Variants in HTR1E observed in about 807,000 individuals in gnomAD.
The protein encoded by HTR1E is 5-hydroxytryptamine receptor 1E.
In HTR1E, 3 loss-of-function variants were observed where a neutral mutation model predicts 3.4. The observed-to-expected ratio is 0.89, with a 90% confidence interval of 0.41 to 2.31. The LOEUF (loss-of-function observed/expected upper bound fraction) is 2.31. Among genes scored for constraint, HTR1E ranks in the 30% most tolerant of loss-of-function variants. The pLI is 0.05. For missense variants in HTR1E, 392 were observed against 467.0 expected, an observed-to-expected ratio of 0.84 and a Z score of 1.48; for synonymous variants, 170 against 182.8, an observed-to-expected ratio of 0.93 and a Z score of 0.56.
chr6:86,986,758 T>C (rs1767794507), intron 1 of HTR1E, among the ~76,000 whole-genome samples: 1 of 152,220 alleles, frequency 6.6e-6, no homozygotes, highest in African/African-American at 2.4e-5. Context: ...TTCTGCTTAG[T>C]GCTACTAATC....
At chr6:86,987,552 T>A (rs944629649) in intron 1 of HTR1E, among the ~76,000 whole-genome samples, 14 of 152,302 alleles carry the variant, frequency 9.2e-5, no homozygotes, top group African/African-American at 3.4e-4. Context: ...TAATCACATG[T>A]GCCTATTGAG....
rs61404026 is a variant in HTR1E, at chr6:86,998,034, C to CA, written c.-185-17108dup. Among the ~76,000 whole-genome samples the CA allele has an allele frequency of 4.6e-5, 7 of 151,368 alleles. No homozygotes were observed. In the East Asian group the frequency reaches 7.8e-4, roughly 17 times the overall value. On this transcript the variant is annotated intron_variant, in intron 1 of 1. Coordinates refer to ENST00000305344, the MANE Select transcript of HTR1E (RefSeq NM_000865.3). Reference sequence around the variant, plus strand: ...ACATAATGTTATAAGAACTATTCATCAAAAAAAATCTTAAATGTGTATGTA... The same window carrying CA: ...ACATAATGTTATAAGAACTATTCATCAAAAAAAAATCTTAAATGTGTATGTA...
intron 1 of HTR1E, among the ~76,000 whole-genome samples, chr6:86,950,668 A>G (rs371097076): frequency 1.3e-5 from 2 of 152,232 alleles, no homozygotes; most frequent in Admixed American, 1.3e-4. Flanking sequence ...CTCAAAAATA[A>G]TAAGACCTGC....
chr6:86,985,445 C>A (rs906664587), intron 1 of HTR1E, among the ~76,000 whole-genome samples: 12 of 151,890 alleles, frequency 7.9e-5, no homozygotes, highest in Non-Finnish European at 1.6e-4. Context: ...AATATCCTAG[C>A]CCTTTAAGGT....
intron 1 of HTR1E, among the ~76,000 whole-genome samples, chr6:86,999,847 C>T (rs1292224246): frequency 6.6e-6 from 1 of 152,168 alleles, no homozygotes; most frequent in Non-Finnish European, 1.5e-5. Context: ...GATTACATGA[C>T]CCTGCATGAT....
intron 1 of HTR1E, among the ~76,000 whole-genome samples, chr6:86,979,490 G>T (rs1440702278): frequency 6.6e-6 from 1 of 152,178 alleles, no homozygotes; most frequent in Non-Finnish European, 1.5e-5. Context: ...TTAAGTTTTG[G>T]CCTGGTTGAG....
intron 1 of HTR1E, among the ~76,000 whole-genome samples, chr6:87,012,865 A>G (rs1004517813): frequency 1.1e-4 from 16 of 152,210 alleles, no homozygotes; most frequent in African/African-American, 3.4e-4. Flanking sequence ...TTAGGATTAC[A>G]CTGCAGCTGA....
At chr6:86,939,188 A>G (rs549703812) in intron 1 of HTR1E, among the ~76,000 whole-genome samples, 3 of 152,318 alleles carry the variant, frequency 2.0e-5, no homozygotes, top group African/African-American at 7.2e-5. Flanking sequence ...AATGCACAAA[A>G]TATGCCTGCC....
chr6:87,016,593 T>C lies in HTR1E; in HGVS notation c.*161T>C, dbSNP rs1367262748. On this transcript the variant is annotated 3_prime_UTR_variant, in exon 2 of 2. Coordinates refer to ENST00000305344, the MANE Select transcript of HTR1E (RefSeq NM_000865.3). ...GTTTGTTTGTTTTGTTCTGTTTTGT[T>C]TGAGGATTGTTATTTGGCGTGCTGT... The C allele has an allele frequency of 1.7e-6, 1 of 595,838 alleles. No individual in the cohort carries two copies. Among genetic ancestry groups the C allele is most frequent in the Non-Finnish European group, 2.8e-6 (1 of 356,870 alleles). The allele number at this position is 595,838 out of a possible 1,614,324, so 36.9% of individuals were successfully genotyped here. A position where few individuals can be genotyped will look rare whatever the true frequency, so the allele number is the denominator to read the frequency against.
In HTR1E at chr6:87,007,747, C is replaced by A. The variant is rs576837879; in HGVS notation, c.-185-7403C>A. 2.6e-5 allele frequency among the ~76,000 whole-genome samples: 4 copies of A among 152,222 alleles called. No homozygotes were observed. In the South Asian group the frequency reaches 6.2e-4, roughly 24 times the overall value. The stretch of plus-strand genomic sequence containing the variant: ...CTCAAGAGTTCAAAACCAGCCTGGG[C>A]AACACGGTGAAACCCTGTCTCTATA... On this transcript the variant is annotated intron_variant, in intron 1 of 1. Transcript: ENST00000305344.
intron 1 of HTR1E, among the ~76,000 whole-genome samples, chr6:87,012,126 A>T (rs1562075226): frequency 6.6e-6 from 1 of 152,112 alleles, no homozygotes; most frequent in Non-Finnish European, 1.5e-5. Context: ...GAACTGTAGG[A>T]GTGGGGGACA....
At chr6:86,981,906 T>C (rs922291913) in intron 1 of HTR1E, among the ~76,000 whole-genome samples, 3 of 152,238 alleles carry the variant, frequency 2.0e-5, no homozygotes, top group Admixed American at 2.0e-4. Flanking sequence ...GCCAGACATA[T>C]TCACTATCTC....
chr6:86,945,144 A>C (rs1327531460), intron 1 of HTR1E, among the ~76,000 whole-genome samples: 2 of 152,212 alleles, frequency 1.3e-5, no homozygotes, highest in Non-Finnish European at 2.9e-5. Context: ...ATTGCCCCGA[A>C]GGACCTTCCA....
chr6:86,984,956 T>C (rs373057489), intron 1 of HTR1E, among the ~76,000 whole-genome samples: 2 of 152,284 alleles, frequency 1.3e-5, no homozygotes, highest in East Asian at 3.9e-4. Flanking sequence ...GCACAAGTTT[T>C]GGTCTACAAC....
At chr6:86,948,505 C>G (rs192981095) in intron 1 of HTR1E, among the ~76,000 whole-genome samples, 40 of 152,168 alleles carry the variant, frequency 2.6e-4, no homozygotes, top group Admixed American at 1.2e-3. Flanking sequence ...TTTGGTAATC[C>G]AAGTATAAAT....
intron 1 of HTR1E, among the ~76,000 whole-genome samples, chr6:86,943,326 CT>C (rs1190742557): frequency 6.6e-6 from 1 of 152,162 alleles, no homozygotes; most frequent in African/African-American, 2.4e-5. Flanking sequence ...TGCATGTCAG[CT>C]AAGCTCCCGC....
intron 1 of HTR1E, among the ~76,000 whole-genome samples, chr6:86,965,391 C>A (rs1767459180): frequency 6.6e-6 from 1 of 152,168 alleles, no homozygotes; most frequent in Admixed American, 6.5e-5. Flanking sequence ...CTTCTTAGTA[C>A]AGTGGTTCTC....
At chr6:86,968,227 T>G (rs1767502663) in intron 1 of HTR1E, among the ~76,000 whole-genome samples, 1 of 152,202 alleles carries the variant, frequency 6.6e-6, no homozygotes, top group Non-Finnish European at 1.5e-5. Flanking sequence ...TTATAGAAAT[T>G]TTGTCACAAT....
At chr6:87,003,367 A>C (rs1768052798) in intron 1 of HTR1E, among the ~76,000 whole-genome samples, 1 of 151,972 alleles carries the variant, frequency 6.6e-6, no homozygotes, top group Non-Finnish European at 1.5e-5. Flanking sequence ...GCAAAACCCC[A>C]TCTCTACTTA....
Sources: allele counts gnomAD v4.1 joint callset (sites outside exome capture counted in the v4.1 genomes callset), GRCh38; gene constraint gnomAD v4.1.1; transcripts MANE v1.5; gene names NCBI Gene and HGNC (gene_info 2026-07-23, HGNC 2026-07-21).